The following GRM1 variants were observed in gnomAD, a reference collection of about 807,000 sequenced individuals.
GRM1 encodes glutamate metabotropic receptor 1.
In GRM1, 33 loss-of-function variants were observed where a neutral mutation model predicts 90.9. The observed-to-expected ratio is 0.36, with a 90% CI of 0.28 to 0.49. The LOEUF is 0.49. GRM1 is among the 20% of genes least tolerant of loss of function. The pLI, the probability that GRM1 is intolerant of heterozygous loss-of-function variation, is 0.99. For synonymous variants in GRM1, 700 were observed against 613.2 expected, an observed-to-expected ratio of 1.14 and a Z score of -2.09; for missense variants, 1,190 against 1,534.3, an observed-to-expected ratio of 0.78 and a Z score of 3.75.
chr6:146,193,624 C>T (rs991266467), intron 2 of GRM1, among the ~76,000 whole-genome samples: 2 of 152,116 alleles, frequency 1.3e-5, no homozygotes, highest in Admixed American at 1.3e-4. Flanking sequence ...GTGTGAGATA[C>T]ATATTTTGTG....
At position 146,434,104 on chromosome 6, in the gene GRM1, C is replaced by A. The variant is rs776089393; in HGVS notation, c.2893C>A (p.Pro965Thr). The A allele has an allele frequency of 2.5e-5, 40 of 1,614,110 alleles. No individual in the cohort carries two copies. The highest frequency in any genetic ancestry group is 3.3e-5 in the Non-Finnish European group (39 of 1,179,984). Residue 965 changes from proline to threonine, a missense_variant, in exon 8 of 8, where the codon CCG (proline) becomes ACG (threonine). Pro to Thr is a conservative substitution (Grantham distance 38, BLOSUM62 -1). Coordinates refer to ENST00000282753, the MANE Select transcript of GRM1 (RefSeq NM_001278064.2). ...CGTAGAGGAGGAGGAGGATGCCCAG[C>A]CGATTCGCTTTAGCCCGCCTGGTAG... Reference protein sequence around the residue: ...YNVEEEEDAQPIRFSPPGSPS... With the variant: ...YNVEEEEDAQTIRFSPPGSPS...
intron 2 of GRM1, among the ~76,000 whole-genome samples, chr6:146,288,868 G>A (rs938436969): frequency 1.3e-5 from 2 of 152,062 alleles, no homozygotes; most frequent in Non-Finnish European, 2.9e-5. Flanking sequence ...TATAATAGAG[G>A]TGAAGAATTC....
intron 2 of GRM1, among the ~76,000 whole-genome samples, chr6:146,202,299 G>A (rs776703471): frequency 2.0e-5 from 3 of 152,052 alleles, no homozygotes; most frequent in South Asian, 2.1e-4. Context: ...GGGATCTGTC[G>A]GGTTTGAAGC....
At chr6:146,105,398 G>A (rs1270223311) in intron 1 of GRM1, among the ~76,000 whole-genome samples, 3 of 151,744 alleles carry the variant, frequency 2.0e-5, no homozygotes, top group Non-Finnish European at 4.4e-5. Context: ...AAGTAGATAG[G>A]AGTAAGTTAT....
intron 3 of GRM1, among the ~76,000 whole-genome samples, chr6:146,316,762 C>T (rs1240450925): frequency 2.0e-5 from 3 of 151,662 alleles, no homozygotes; most frequent in East Asian, 3.9e-4. Context: ...TTTTGAGGGC[C>T]GGGGGACTGT....
At chr6:146,293,147 G>A (rs984526078) in intron 2 of GRM1, among the ~76,000 whole-genome samples, 2 of 151,960 alleles carry the variant, frequency 1.3e-5, no homozygotes, top group Admixed American at 1.3e-4. Context: ...TGCTTACTGG[G>A]TATGGGGTTG....
chr6:146,131,651 A>G (rs767840285), intron 1 of GRM1, among the ~76,000 whole-genome samples: 5 of 152,150 alleles, frequency 3.3e-5, no homozygotes, highest in African/African-American at 7.2e-5. Context: ...TTGGTCAACA[A>G]TTGCAGGAGA....
intron 1 of GRM1, among the ~76,000 whole-genome samples, chr6:146,108,008 A>G (rs1775386275): frequency 1.3e-5 from 2 of 152,336 alleles, no homozygotes; most frequent in South Asian, 4.1e-4. Flanking sequence ...AGAGAGATTT[A>G]CATTTTTCAG....
At chr6:146,300,831 C>G (rs969891246) in intron 2 of GRM1, among the ~76,000 whole-genome samples, 1 of 152,190 alleles carries the variant, frequency 6.6e-6, no homozygotes, top group Non-Finnish European at 1.5e-5. Flanking sequence ...CCACCACCAT[C>G]TAAGAAAGAT....
intron 2 of GRM1, among the ~76,000 whole-genome samples, chr6:146,236,076 A>G (rs1331463781): frequency 6.6e-6 from 1 of 152,126 alleles, no homozygotes; most frequent in Non-Finnish European, 1.5e-5. Context: ...GAGTTATGTC[A>G]TTCCTGTTTG....
At chr6:146,293,792 ATAT>A (rs1278786604) in intron 2 of GRM1, among the ~76,000 whole-genome samples, 1 of 151,636 alleles carries the variant, frequency 6.6e-6, no homozygotes, top group Admixed American at 6.6e-5. Flanking sequence ...TATTGTTCAG[ATAT>A]TATATTTCTT....
intron 6 of GRM1, among the ~76,000 whole-genome samples, chr6:146,387,568 A>C (rs1223509568): frequency 2.0e-5 from 3 of 152,246 alleles, no homozygotes; most frequent in East Asian, 1.9e-4. Flanking sequence ...AGAGATATCT[A>C]TAAAGTGCAT....
chr6:146,221,648 A>T (rs371502241), intron 2 of GRM1, among the ~76,000 whole-genome samples: 1 of 152,174 alleles, frequency 6.6e-6, no homozygotes, highest in Non-Finnish European at 1.5e-5. Flanking sequence ...TAGCGCTGCA[A>T]TAAACATATG....
intron 5 of GRM1, among the ~76,000 whole-genome samples, chr6:146,380,409 C>A (rs1776277768): frequency 6.6e-6 from 1 of 151,506 alleles, no homozygotes; most frequent in Non-Finnish European, 1.5e-5. Context: ...AGGAGACTCA[C>A]CCCATAGTCA....
chr6:146,190,668 C>G (rs868070666), intron 2 of GRM1, among the ~76,000 whole-genome samples: 3 of 152,026 alleles, frequency 2.0e-5, no homozygotes, highest in African/African-American at 7.2e-5. Context: ...TTTTGGTCAC[C>G]ATGTTTTGTT....
At chr6:146,405,101 G>A (rs760923147) in intron 7 of GRM1, among the ~76,000 whole-genome samples, 2 of 152,162 alleles carry the variant, frequency 1.3e-5, no homozygotes, top group East Asian at 3.8e-4. Flanking sequence ...TACAGGAACA[G>A]GACAGAGGAG....
intron 2 of GRM1, among the ~76,000 whole-genome samples, chr6:146,229,730 A>G (rs1196483161): frequency 1.3e-5 from 2 of 152,186 alleles, no homozygotes; most frequent in Non-Finnish European, 2.9e-5. Context: ...AAAATGTTAT[A>G]GGGATAACAC....
intron 4 of GRM1, among the ~76,000 whole-genome samples, chr6:146,355,826 G>C (rs547723856): frequency 6.6e-6 from 1 of 152,184 alleles, no homozygotes; most frequent in Non-Finnish European, 1.5e-5. Context: ...AAGCAGGGGC[G>C]TGTGAGAGGG....
chr6:146,129,550 G>GA (rs1182506147), intron 1 of GRM1, among the ~76,000 whole-genome samples: 1 of 152,164 alleles, frequency 6.6e-6, no homozygotes, highest in East Asian at 1.9e-4. Flanking sequence ...GCTGCACAGA[G>GA]CAACTTGGGA....
Sources: gnomAD v4.1 joint callset for allele counts (sites outside exome capture counted in the v4.1 genomes callset) on GRCh38, gnomAD v4.1.1 for gene constraint, MANE v1.5 for transcripts, NCBI Gene and HGNC (gene_info 2026-07-23, HGNC 2026-07-21) for gene names.